Variants in PTPRT observed in about 807,000 individuals in gnomAD.
PTPRT encodes the protein protein tyrosine phosphatase receptor type T.
In PTPRT, 56 loss-of-function variants were observed where a neutral mutation model predicts 176.8. That is an observed-to-expected ratio of 0.32 (90% CI 0.26 to 0.40). PTPRT has a LOEUF of 0.40. PTPRT is among the 10% of genes least tolerant of loss of function. PTPRT has a pLI of 1.00. For synonymous variants in PTPRT, 783 were observed against 739.0 expected, an observed-to-expected ratio of 1.06 and a Z score of -0.96; for missense variants, 1,540 against 1,908.2, an observed-to-expected ratio of 0.81 and a Z score of 3.60.
intron 15 of PTPRT, among the ~76,000 whole-genome samples, chr20:42,217,190 A>G (rs2146769158): frequency 6.6e-6 from 1 of 152,144 alleles, no homozygotes; most frequent in African/African-American, 2.4e-5. Context: ...CCTGGCCAAC[A>G]TGGCGAAATC....
chr20:42,576,221 TCTC>T (rs1301477621), intron 7 of PTPRT, among the ~76,000 whole-genome samples: 1 of 152,036 alleles, frequency 6.6e-6, no homozygotes, highest in East Asian at 1.9e-4. Flanking sequence ...CACCCTTCCC[TCTC>T]CTCATTTTGA....
intron 1 of PTPRT, among the ~76,000 whole-genome samples, chr20:43,151,747 C>T (rs927368188): frequency 6.6e-6 from 1 of 152,058 alleles, no homozygotes; most frequent in African/African-American, 2.4e-5. Context: ...TCTGTAATCC[C>T]AGCTACTCAG....
intron 1 of PTPRT, among the ~76,000 whole-genome samples, chr20:42,916,045 T>C (rs900347541): frequency 1.3e-5 from 2 of 152,110 alleles, no homozygotes; most frequent in Non-Finnish European, 2.9e-5. Context: ...ACATGTGCCA[T>C]GTTGGTGTGC....
intron 1 of PTPRT, among the ~76,000 whole-genome samples, chr20:42,925,870 T>C (rs1292168780): frequency 6.6e-6 from 1 of 152,224 alleles, no homozygotes; most frequent in African/African-American, 2.4e-5. Context: ...TACAAGGAGC[T>C]GTCAACTGCA....
At chr20:42,686,736 T>C (rs3092078) in intron 6 of PTPRT, among the ~76,000 whole-genome samples, 47,047 of 151,630 alleles carry the variant, frequency 0.31, 7,563 homozygotes, top group African/African-American at 0.36. Context: ...TTGTGATCCA[T>C]CCGCCTCAGT....
chr20:42,038,920 T>A, the PTPRT span, among the ~76,000 whole-genome samples: 1 of 152,192 alleles, frequency 6.6e-6, no homozygotes, highest in Non-Finnish European at 1.5e-5. Context: ...GGAAGGCACT[T>A]CCCACAGATA....
At chr20:42,988,146 A>T (rs13043923) in intron 1 of PTPRT, among the ~76,000 whole-genome samples, 1 of 152,206 alleles carries the variant, frequency 6.6e-6, no homozygotes, top group Non-Finnish European at 1.5e-5. Context: ...GAGACGGGCC[A>T]CTGAAGGCTG....
At chr20:42,391,953 C>T (rs2058803840) in intron 9 of PTPRT, among the ~76,000 whole-genome samples, 1 of 152,100 alleles carries the variant, frequency 6.6e-6, no homozygotes, top group African/African-American at 2.4e-5. Flanking sequence ...ACAACATTGC[C>T]ACGGGCTCTA....
At chr20:42,623,582 C>G (rs1304224989) in intron 7 of PTPRT, among the ~76,000 whole-genome samples, 1 of 152,196 alleles carries the variant, frequency 6.6e-6, no homozygotes, top group Non-Finnish European at 1.5e-5. Flanking sequence ...ATTCCATCTC[C>G]ATGTGAGAGG....
intron 1 of PTPRT, among the ~76,000 whole-genome samples, chr20:43,095,421 C>T (rs1199982331): frequency 6.6e-6 from 1 of 152,096 alleles, no homozygotes; most frequent in Non-Finnish European, 1.5e-5. Context: ...CAGAATTCAG[C>T]ACCTGTGATC....
At chr20:42,780,482 C>T (rs536631595) in intron 3 of PTPRT, among the ~76,000 whole-genome samples, 183 bp from the exon 4 acceptor site, 1 of 152,248 alleles carries the variant, frequency 6.6e-6, no homozygotes, top group East Asian at 1.9e-4. Context: ...GGTAAAAAGG[C>T]CACACTTTGG....
intron 17 of PTPRT, among the ~76,000 whole-genome samples, chr20:42,149,847 A>G (rs1448953961): frequency 6.6e-6 from 1 of 152,152 alleles, no homozygotes; most frequent in African/African-American, 2.4e-5. Flanking sequence ...GAATAAAATT[A>G]TCATCTGGTA....
chr20:42,262,290 G>C (rs567194012), intron 13 of PTPRT, among the ~76,000 whole-genome samples: 38 of 152,334 alleles, frequency 2.5e-4, no homozygotes, highest in Non-Finnish European at 1.5e-4. Context: ...GGTAGAAGAA[G>C]TGGCCAGTGT....
Position 42,315,885 on chromosome 20 carries a change from A to G in PTPRT, c.1977T>C (p.Asp659=). The change falls in exon 12 of 31, where the codon GAT becomes GAC. Residue 659 remains aspartate (D), a synonymous_variant. Transcript: ENST00000373187. ...ACTCAGCAGCAAAGTAGTGTAGAGA[A>G]TCGAGGCTGGAGGCATTCCGATAGC... ...PVSYRNASSL[D]SLHYFAAELK... 6.2e-7 allele frequency: 1 copy of G among 1,614,000 alleles called. No homozygotes were observed. The highest frequency in any genetic ancestry group is 8.5e-7 in the Non-Finnish European group (1 of 1,180,000).
chr20:42,649,110 T>C (rs139073250), intron 7 of PTPRT, among the ~76,000 whole-genome samples: 51 of 152,166 alleles, frequency 3.4e-4, no homozygotes, highest in African/African-American at 9.2e-4. Flanking sequence ...TGAGCCACTG[T>C]GCCCGGCCAA....
intron 7 of PTPRT, among the ~76,000 whole-genome samples, chr20:42,498,478 G>A (rs1601134004): frequency 6.6e-6 from 1 of 152,060 alleles, no homozygotes; most frequent in African/African-American, 2.4e-5. Flanking sequence ...CAGATAGTGG[G>A]TCCTAAAGGA....
At chr20:42,570,952 C>T (rs1369663159) in intron 7 of PTPRT, among the ~76,000 whole-genome samples, 2 of 66,440 alleles carry the variant, frequency 3.0e-5, no homozygotes, top group African/African-American at 5.8e-5. Context: ...CATTTTTTAT[C>T]GGGGGTGGGG....
chr20:42,895,123 G>T (rs2079271461), intron 1 of PTPRT, among the ~76,000 whole-genome samples: 1 of 152,214 alleles, frequency 6.6e-6, no homozygotes, highest in Non-Finnish European at 1.5e-5. Context: ...CAGCTTTGCA[G>T]GTTGTATTAG....
At chr20:43,022,264 G>C (rs928133217) in intron 1 of PTPRT, among the ~76,000 whole-genome samples, 5 of 152,162 alleles carry the variant, frequency 3.3e-5, no homozygotes, top group African/African-American at 1.2e-4. Context: ...ACTGATGGTG[G>C]AATGGGTGGC....
Sources: allele counts gnomAD v4.1 joint callset (sites outside exome capture counted in the v4.1 genomes callset), GRCh38; gene constraint gnomAD v4.1.1; transcripts MANE v1.5; gene names NCBI Gene and HGNC (gene_info 2026-07-23, HGNC 2026-07-21).